The following SYNDIG1 variants were observed in gnomAD, a reference collection of about 807,000 sequenced individuals.
SYNDIG1 encodes the protein synapse differentiation-inducing gene protein 1.
In SYNDIG1, 9 loss-of-function variants were observed where a neutral mutation model predicts 19.4. The ratio of observed to expected loss-of-function variants is 0.46; its 90% confidence interval spans 0.28 to 0.81. The LOEUF (loss-of-function observed/expected upper bound fraction) is 0.81, where lower values mean the gene tolerates loss of function less well. Ranked by LOEUF, SYNDIG1 falls within the 30% of genes least tolerant of loss-of-function variation. SYNDIG1 has a pLI of 0.12. For synonymous variants in SYNDIG1, 141 were observed against 145.9 expected (o/e 0.97, Z 0.24); for missense variants, 311 against 343.3 (o/e 0.91, Z 0.74).
At chr20:24,485,956 C>T (rs1470301521) in intron 1 of SYNDIG1, among the ~76,000 whole-genome samples, 2 of 152,168 alleles carry the variant, frequency 1.3e-5, no homozygotes, top group Non-Finnish European at 2.9e-5. Flanking sequence ...AGCTTTGTCT[C>T]GTGGCCACCC....
At chr20:24,612,745 A>G (rs2058869644) in intron 3 of SYNDIG1, among the ~76,000 whole-genome samples, 1 of 152,220 alleles carries the variant, frequency 6.6e-6, no homozygotes, top group South Asian at 2.1e-4. Flanking sequence ...AGTGGTCCAT[A>G]AACAAATGGT....
chr20:24,634,174 C>A (rs1450302387), intron 3 of SYNDIG1, among the ~76,000 whole-genome samples: 2 of 152,144 alleles, frequency 1.3e-5, no homozygotes, highest in African/African-American at 4.8e-5. Context: ...TGTGTGTGGG[C>A]AGTTTTGATT....
intron 1 of SYNDIG1, among the ~76,000 whole-genome samples, chr20:24,528,592 T>A (rs6049759): frequency 6.6e-6 from 1 of 151,970 alleles, no homozygotes; most frequent in Non-Finnish European, 1.5e-5. Flanking sequence ...TGGCAGAAGC[T>A]CAAGAAGGGG....
At chr20:24,497,985 A>AG (rs2056343259) in intron 1 of SYNDIG1, among the ~76,000 whole-genome samples, 1 of 152,218 alleles carries the variant, frequency 6.6e-6, no homozygotes, top group Non-Finnish European at 1.5e-5. Context: ...TGTCATATAG[A>AG]GCAGACTTGG....
At chr20:24,479,226 G>T (rs993553751) in intron 1 of SYNDIG1, among the ~76,000 whole-genome samples, 2 of 152,116 alleles carry the variant, frequency 1.3e-5, no homozygotes, top group Non-Finnish European at 2.9e-5. Context: ...CCCAGCCCTG[G>T]AGAGTGACTT....
chr20:24,561,052 C>T (rs1405906340), intron 2 of SYNDIG1, among the ~76,000 whole-genome samples: 2 of 151,368 alleles, frequency 1.3e-5, no homozygotes, highest in African/African-American at 2.4e-5. Flanking sequence ...GGATTCACTT[C>T]TGGGTCTGCA....
At chr20:24,584,800 G>A in intron 2 of SYNDIG1, 56 bp from the exon 3 acceptor site, 1 of 1,612,420 alleles carries the variant, frequency 6.2e-7, no homozygotes, top group Non-Finnish European at 8.5e-7. Flanking sequence ...GACACCCCAG[G>A]ATGACTCCTT....
intron 1 of SYNDIG1, among the ~76,000 whole-genome samples, chr20:24,492,617 A>T (rs944556804): frequency 6.6e-6 from 1 of 152,190 alleles, no homozygotes; most frequent in African/African-American, 2.4e-5. Flanking sequence ...TGGGGTCCTT[A>T]GATCCTTAGT....
intron 2 of SYNDIG1, among the ~76,000 whole-genome samples, chr20:24,584,517 C>T (rs1355824237): frequency 1.3e-5 from 2 of 152,226 alleles, no homozygotes; most frequent in Admixed American, 6.5e-5. Flanking sequence ...GCAAAGTCCC[C>T]AGTCCCATCC....
chr20:24,473,287 G>A (rs2055523000), intron 1 of SYNDIG1, among the ~76,000 whole-genome samples: 4 of 152,172 alleles, frequency 2.6e-5, no homozygotes, highest in Admixed American at 2.6e-4. Context: ...AGTTTTTGGA[G>A]CCTTAGCTCT....
rs541944795 is a variant in SYNDIG1 at position 24,633,292 on chromosome 20, C to T, written c.619-32054C>T. Among the ~76,000 whole-genome samples, 3 of 152,264 alleles carry T rather than the reference C, an allele frequency of 2.0e-5. No individual in the cohort carries two copies. In the South Asian group the frequency reaches 6.2e-4, roughly 32 times the overall value. ...TCTGAGCCCTCGCTGGCTGCAGAGCCACCACTGCCCACCTCTCTGGCACGT... is the reference window on the plus strand; with the variant it reads ...TCTGAGCCCTCGCTGGCTGCAGAGCTACCACTGCCCACCTCTCTGGCACGT... On this transcript the variant is annotated intron_variant, in intron 3 of 3. Coordinates refer to ENST00000376862, the MANE Select transcript of SYNDIG1 (RefSeq NM_024893.3).
intron 2 of SYNDIG1, among the ~76,000 whole-genome samples, chr20:24,571,674 A>G (rs1453446095): frequency 2.0e-5 from 3 of 152,226 alleles, no homozygotes; most frequent in African/African-American, 7.2e-5. Context: ...AGAACAGTGA[A>G]GAAAAAAAGG....
At chr20:24,492,186 C>A (rs1242500410) in intron 1 of SYNDIG1, among the ~76,000 whole-genome samples, 1 of 152,180 alleles carries the variant, frequency 6.6e-6, no homozygotes, top group Non-Finnish European at 1.5e-5. Context: ...CTCCACACCC[C>A]CTTGGAATGT....
intron 1 of SYNDIG1, among the ~76,000 whole-genome samples, chr20:24,488,438 C>G (rs1377157377): frequency 6.6e-6 from 1 of 152,254 alleles, no homozygotes; most frequent in Admixed American, 6.5e-5. Flanking sequence ...CACTGTAGCT[C>G]TCACTACCTG....
chr20:24,531,632 A>G (rs562312309), intron 1 of SYNDIG1, among the ~76,000 whole-genome samples: 192 of 23,380 alleles, frequency 8.2e-3, no homozygotes, highest in Middle Eastern at 0.056. Flanking sequence ...GACAATTTTG[A>G]AAAAAAAAAT....
At chr20:24,539,415 G>A (rs2057423672) in intron 1 of SYNDIG1, among the ~76,000 whole-genome samples, 3 of 152,128 alleles carry the variant, frequency 2.0e-5, no homozygotes, top group Admixed American at 2.0e-4. Flanking sequence ...TATAAGCAAG[G>A]GTTTATTTCT....
chr20:24,585,056 G>GGGGCCCC, intron 3 of SYNDIG1, 63 bp downstream of exon 3: 14 of 545,622 alleles, frequency 2.6e-5, no homozygotes, highest in East Asian at 5.0e-5. Flanking sequence ...GGTGGGGGCG[G>GGGGCCCC]CAATCCCAGC....
At chr20:24,501,119 A>G (rs1600450480) in intron 1 of SYNDIG1, among the ~76,000 whole-genome samples, 1 of 152,258 alleles carries the variant, frequency 6.6e-6, no homozygotes, top group Non-Finnish European at 1.5e-5. Flanking sequence ...CTACCTATGT[A>G]GATAACATCT....
At chr20:24,532,246 C>G (rs149789748) in intron 1 of SYNDIG1, among the ~76,000 whole-genome samples, 1 of 152,176 alleles carries the variant, frequency 6.6e-6, no homozygotes, top group Admixed American at 6.5e-5. Flanking sequence ...TTTCCCCCCA[C>G]AATGAAAGCA....
Sources: allele counts gnomAD v4.1 joint callset (sites outside exome capture counted in the v4.1 genomes callset), GRCh38; gene constraint gnomAD v4.1.1; transcripts MANE v1.5; gene names NCBI Gene and HGNC (gene_info 2026-07-23, HGNC 2026-07-21).